The following CFAP206 variants were observed in gnomAD, a reference collection of about 807,000 sequenced individuals.
CFAP206 encodes the protein cilia- and flagella-associated protein 206.
A neutral mutation model predicts 65.4 loss-of-function variants in CFAP206; 53 were observed. That is an observed-to-expected ratio of 0.81 (90% CI 0.65 to 1.02). The LOEUF (loss-of-function observed/expected upper bound fraction) is 1.02. CFAP206 is among the 50% of genes least tolerant of loss of function. The probability of loss-of-function intolerance (pLI) is 0.00; values close to 1 mark genes in which losing one functional copy is unlikely to be tolerated. For synonymous variants in CFAP206, 250 were observed against 254.4 expected (o/e 0.98, Z 0.17); for missense variants, 663 against 753.2 (o/e 0.88, Z 1.40).
chr6:87,416,559 T>C, intron 5 of CFAP206, 110 bp from the exon 6 acceptor site: 1 of 914,872 alleles, frequency 1.1e-6, no homozygotes, highest in Admixed American at 2.9e-5. Context: ...TAAAGAATCA[T>C]ATAAGTAACT....
intron 9 of CFAP206, among the ~76,000 whole-genome samples, chr6:87,429,858 A>T (rs1768127668): frequency 6.6e-6 from 1 of 152,198 alleles, no homozygotes; most frequent in Non-Finnish European, 1.5e-5. Flanking sequence ...TGAAAACTAA[A>T]CCAGAAACTA....
intron 3 of CFAP206, among the ~76,000 whole-genome samples, chr6:87,412,714 G>A (rs974577451): frequency 1.1e-4 from 17 of 151,768 alleles, no homozygotes; most frequent in Admixed American, 2.6e-4. Flanking sequence ...GCTGGGGTGC[G>A]GTGGCATGAT....
At chr6:87,422,704 T>C (rs1228732357) in intron 7 of CFAP206, among the ~76,000 whole-genome samples, 5 of 151,266 alleles carry the variant, frequency 3.3e-5, no homozygotes, top group Non-Finnish European at 5.9e-5. Context: ...TGAGCTGAGA[T>C]TGCACCACTG....
rs1471435087 is a variant in CFAP206 at position 87,428,751 on chromosome 6, TGA to T, written c.1092_1093del (p.Arg364SerfsTer7). 9 of 1,614,032 alleles carry T rather than the reference TGA, an allele frequency of 5.6e-6. No individual in the cohort carries two copies. In the Admixed American group the frequency reaches 8.3e-5, roughly 15 times the overall value. ...TGGGTGCTCACGAACTATACTTTCC[TGA>T]GAGAGTGATGCAATGTCATCTTAAT... ...FLGAHELYFPERVMQCHLNGA... is the reference protein window; with the variant it reads ...FLGAHELYFPXRVMQCHLNGA... On this transcript the variant is annotated frameshift_variant, in exon 9 of 13. Transcript: ENST00000369562. LOFTEE classifies it high-confidence loss of function.
intron 11 of CFAP206, among the ~76,000 whole-genome samples, chr6:87,460,210 A>G (rs1485868100): frequency 6.6e-6 from 1 of 152,230 alleles, no homozygotes; most frequent in Non-Finnish European, 1.5e-5. Context: ...TGTCATGTCC[A>G]GCACCATCAT....
chr6:87,437,653 T>A (rs1355231810), intron 11 of CFAP206, among the ~76,000 whole-genome samples: 1 of 151,578 alleles, frequency 6.6e-6, no homozygotes, highest in African/African-American at 2.4e-5. Context: ...CATTTTATTT[T>A]TATTTTATTT....
intron 11 of CFAP206, among the ~76,000 whole-genome samples, chr6:87,440,105 A>G (rs182799535): frequency 6.6e-6 from 1 of 152,286 alleles, no homozygotes; most frequent in East Asian, 1.9e-4. Context: ...ACATTTTTAC[A>G]ACATTGAGTC....
At chr6:87,412,953 C>A (rs1047266911) in intron 3 of CFAP206, among the ~76,000 whole-genome samples, 6 of 152,094 alleles carry the variant, frequency 3.9e-5, no homozygotes, top group African/African-American at 7.2e-5. Flanking sequence ...AGCCACTGCA[C>A]CAGCTGCAGC....
chr6:87,448,128 C>A (rs1768477620), intron 11 of CFAP206, among the ~76,000 whole-genome samples: 1 of 152,020 alleles, frequency 6.6e-6, no homozygotes, highest in Non-Finnish European at 1.5e-5. Flanking sequence ...CTGACAGGCA[C>A]CAGCATGTGA....
At chr6:87,409,082 C>T (rs1261051421) in intron 1 of CFAP206, among the ~76,000 whole-genome samples, 1 of 152,112 alleles carries the variant, frequency 6.6e-6, no homozygotes, top group Non-Finnish European at 1.5e-5. Context: ...TTTTAATGAT[C>T]TGAGCAAGAA....
chr6:87,411,668 A>G (rs1404160444), intron 3 of CFAP206, among the ~76,000 whole-genome samples: 1 of 152,108 alleles, frequency 6.6e-6, no homozygotes, highest in African/African-American at 2.4e-5. Context: ...TCTTTAATCA[A>G]TCTTGAGTTG....
intron 11 of CFAP206, among the ~76,000 whole-genome samples, chr6:87,449,507 CT>C (rs1222878781): frequency 7.0e-6 from 1 of 142,900 alleles, no homozygotes; most frequent in Admixed American, 7.0e-5. Flanking sequence ...TGTTTTCTGT[CT>C]TTTTTATAAT....
At position 87,409,939 on chromosome 6, in the gene CFAP206, G is replaced by C; in HGVS notation, c.100G>C (p.Ala34Pro). Residue 34 changes from alanine to proline, a missense_variant, in exon 2 of 13, where the codon GCT becomes CCT. Ala to Pro is a conservative substitution (Grantham distance 27). Transcript: ENST00000369562. ...AGAGATTGTTTCTGAAACTCTGATTGCTTTTATGGTAAGAAGAAATATTTT... is the reference window on the plus strand; with the variant it reads ...AGAGATTGTTTCTGAAACTCTGATTCCTTTTATGGTAAGAAGAAATATTTT... ...HGEIVSETLI[A>P]FMVKAVVLDP... 1.2e-6 allele frequency: 2 copies of C among 1,603,356 alleles called. No homozygotes were observed. The highest frequency in any genetic ancestry group is 2.2e-5 in the South Asian group (2 of 89,984).
chr6:87,457,033 C>T lies in CFAP206; in HGVS notation c.1495-3989C>T, dbSNP rs145810611. Among the ~76,000 whole-genome samples the T allele has an allele frequency of 2.4e-3, 371 of 151,664 alleles. 2 individuals carry two copies. Among genetic ancestry groups the T allele is most frequent in the Middle Eastern group, 0.02 (6 of 294 alleles). ...CGCGTGGTGGCAGGTGCCTGTTGTCCCAGCTACTCAGGAGGCTGAGGCAGG... is the reference window on the plus strand; with the variant it reads ...CGCGTGGTGGCAGGTGCCTGTTGTCTCAGCTACTCAGGAGGCTGAGGCAGG... On this transcript the variant is annotated intron_variant, in intron 11 of 12. Transcript: ENST00000369562.
intron 7 of CFAP206, among the ~76,000 whole-genome samples, chr6:87,418,682 G>A (rs192555344): frequency 2.2e-4 from 34 of 152,300 alleles, no homozygotes; most frequent in African/African-American, 7.9e-4. Context: ...AAACAGTGGT[G>A]TATATGTAAG....
chr6:87,453,225 T>C (rs1192487726), intron 11 of CFAP206, among the ~76,000 whole-genome samples: 2 of 152,118 alleles, frequency 1.3e-5, no homozygotes, highest in Admixed American at 6.6e-5. Context: ...TAGAATGGTA[T>C]ATATCTGATG....
Position 87,464,143 on chromosome 6 carries a change from A to G in CFAP206, c.1762A>G (p.Thr588Ala). 1 of 1,614,204 alleles carries G rather than the reference A, an allele frequency of 6.2e-7. No homozygotes were observed. The highest frequency in any genetic ancestry group is 8.5e-7 in the Non-Finnish European group (1 of 1,180,030). ...CACCCAGTCCATGAGGGAAGACAGC[A>G]CTGGGGTGCCCAGGCCTCAGATTTA... is the stretch of plus-strand genomic sequence containing the variant. ...TSTQSMREDS[T>A]GVPRPQIYLA... Residue 588 changes from threonine (T) to alanine (A), a missense_variant, in exon 13 of 13, where the codon ACT becomes GCT. By Grantham distance (58) the Thr-to-Ala change is moderately conservative. Coordinates refer to ENST00000369562, the MANE Select transcript of CFAP206 (RefSeq NM_001031743.3).
rs1444202253 is a variant in CFAP206, at chr6:87,426,656, G to T, written c.960+11G>T. On this transcript the variant is annotated intron_variant, in intron 8 of 12. Transcript: ENST00000369562. ...ACATCACAAGTCTTTGTAAGTATTT[G>T]TCATAAACTTTGACCTTAAGGTGAA... The T allele has an allele frequency of 6.4e-7, 1 of 1,556,452 alleles. No individual in the cohort carries two copies. Among genetic ancestry groups the T allele is most frequent in the African/African-American group, 1.4e-5 (1 of 72,888 alleles).
At chr6:87,408,210 G>C (rs1767659493) in intron 1 of CFAP206, 121 bp downstream of exon 1, 1 of 288,704 alleles carries the variant, frequency 3.5e-6, no homozygotes, top group South Asian at 1.3e-4. Context: ...TCGAGACTTA[G>C]CTCTCAGTCT....
Sources: allele counts gnomAD v4.1 joint callset (sites outside exome capture counted in the v4.1 genomes callset), GRCh38; gene constraint gnomAD v4.1.1; transcripts MANE v1.5; gene names NCBI Gene and HGNC (gene_info 2026-07-23, HGNC 2026-07-21).